Variants in ABCD3 observed in about 807,000 individuals in gnomAD.
ABCD3 encodes ATP-binding cassette sub-family D member 3.
Under a neutral mutation model 105.5 loss-of-function variants are expected in ABCD3, and 41 were observed. The observed-to-expected ratio is 0.39, with a 90% confidence interval of 0.30 to 0.50. The LOEUF is 0.50. ABCD3 is among the 20% of genes least tolerant of loss of function. The pLI is 0.84. For missense variants in ABCD3, 622 were observed against 806.3 expected (o/e 0.77, Z 2.77); for synonymous variants, 258 against 269.0 (o/e 0.96, Z 0.40).
chr1:94,391,408 T>C, the ABCD3 span, among the ~76,000 whole-genome samples: 1 of 152,200 alleles, frequency 6.6e-6, no homozygotes, highest in South Asian at 2.1e-4. Context: ...CTGCAGATTC[T>C]TCAGGGTCAA....
At chr1:94,489,003 C>T (rs1649404035) in intron 13 of ABCD3, among the ~76,000 whole-genome samples, 2 of 152,006 alleles carry the variant, frequency 1.3e-5, no homozygotes, top group South Asian at 2.1e-4. Context: ...AAGTTATACA[C>T]GTGTGAAACC....
chr1:94,472,380 C>A, intron 4 of ABCD3: 1 of 187,942 alleles, frequency 5.3e-6, no homozygotes, highest in Non-Finnish European at 9.8e-6. Context: ...GTCTTGATTG[C>A]TTAATGTCTG....
chr1:94,440,420 T>C (rs1465940193), intron 1 of ABCD3, among the ~76,000 whole-genome samples: 3 of 152,226 alleles, frequency 2.0e-5, no homozygotes, highest in Non-Finnish European at 4.4e-5. Flanking sequence ...GCAGTTTCTC[T>C]TCGCAGGAGG....
At chr1:94,465,723 C>T (rs763592391) in intron 3 of ABCD3, among the ~76,000 whole-genome samples, 3 of 152,148 alleles carry the variant, frequency 2.0e-5, no homozygotes, top group Non-Finnish European at 4.4e-5. Flanking sequence ...AGGAAGTGAG[C>T]TGCTTATACG....
intron 4 of ABCD3, among the ~76,000 whole-genome samples, chr1:94,468,967 C>T (rs770939824): frequency 1.3e-5 from 2 of 152,080 alleles, no homozygotes; most frequent in African/African-American, 4.8e-5. Flanking sequence ...CCCAAGTCTC[C>T]CTGAAACCTG....
the ABCD3 span, among the ~76,000 whole-genome samples, chr1:94,402,818 T>A: frequency 1.3e-5 from 2 of 152,142 alleles, 1 homozygote; most frequent in South Asian, 4.2e-4. Context: ...CTTTTATTAC[T>A]ATACTTTAAG....
chr1:94,397,919 C>T, the ABCD3 span, among the ~76,000 whole-genome samples: 1 of 152,026 alleles, frequency 6.6e-6, no homozygotes, highest in Non-Finnish European at 1.5e-5. Flanking sequence ...AGCATTCATC[C>T]CTGAGTCTTA....
At chr1:94,389,012 G>T in the ABCD3 span, among the ~76,000 whole-genome samples, 1 of 152,072 alleles carries the variant, frequency 6.6e-6, no homozygotes, top group Non-Finnish European at 1.5e-5. Context: ...GGCAAGCTTT[G>T]CCCCATGACT....
chr1:94,503,710 G>A (rs187197786), intron 20 of ABCD3, among the ~76,000 whole-genome samples: 2 of 151,906 alleles, frequency 1.3e-5, no homozygotes, highest in African/African-American at 4.8e-5. Flanking sequence ...GTGGAAAGCT[G>A]TTTTAGTCAT....
In ABCD3 at chr1:94,517,549, A is replaced by G. The variant is rs773021016; in HGVS notation, c.*420A>G. ...GTCCTGTTCTAGCAAGATAGTCTTC[A>G]GTTTCATTTTCCTGTGCCCTGTGGT... On this transcript the variant is annotated 3_prime_UTR_variant, in exon 23 of 23. Coordinates refer to ENST00000370214, the MANE Select transcript of ABCD3 (RefSeq NM_002858.4). 13 of 201,162 alleles carry G rather than the reference A, an allele frequency of 6.5e-5. No homozygotes were observed. Among genetic ancestry groups the G allele is most frequent in the East Asian group, 1.4e-4 (1 of 7,312 alleles). 12.5% of individuals were successfully genotyped at this position (201,162 alleles called of 1,614,324 possible).
chr1:94,450,061 C>A (rs534725607), intron 1 of ABCD3, among the ~76,000 whole-genome samples: 1 of 152,338 alleles, frequency 6.6e-6, no homozygotes, highest in Non-Finnish European at 1.5e-5. Context: ...CCAGGCACAC[C>A]TGACCTTAAT....
At position 94,487,999 on chromosome 1, in the gene ABCD3, A is replaced by G; in HGVS notation, c.1157+16A>G. ...GATTGGCCGGGTAAGATTAGTAATA[A>G]TGAGCTGTTGCAGAAAATAATTTTT... is the stretch of plus-strand genomic sequence containing the variant. On this transcript the variant is annotated intron_variant, in intron 13 of 22. Coordinates refer to ENST00000370214, the MANE Select transcript of ABCD3 (RefSeq NM_002858.4). 1 of 1,580,524 alleles carries G rather than the reference A, an allele frequency of 6.3e-7. No homozygotes were observed. Among genetic ancestry groups the G allele is most frequent in the Non-Finnish European group, 8.7e-7 (1 of 1,150,066 alleles).
chr1:94,441,492 C>T (rs1660133767), intron 1 of ABCD3, among the ~76,000 whole-genome samples: 1 of 152,136 alleles, frequency 6.6e-6, no homozygotes, highest in Non-Finnish European at 1.5e-5. Flanking sequence ...ACTCAGTAGT[C>T]CCACTGAGGA....
chr1:94,476,294 T>C (rs1557679018), intron 7 of ABCD3, among the ~76,000 whole-genome samples: 1 of 152,196 alleles, frequency 6.6e-6, no homozygotes, highest in Non-Finnish European at 1.5e-5. Flanking sequence ...TTCTTCTCAC[T>C]GATTTCTCCA....
chr1:94,422,278 G>A (rs377114955), intron 1 of ABCD3, among the ~76,000 whole-genome samples: 4 of 152,162 alleles, frequency 2.6e-5, no homozygotes, highest in African/African-American at 9.7e-5. Flanking sequence ...CTTGAGCTCC[G>A]CCTCCTGTCA....
intron 1 of ABCD3, among the ~76,000 whole-genome samples, chr1:94,438,327 C>G (rs963228613): frequency 1.3e-5 from 2 of 150,674 alleles, no homozygotes; most frequent in Non-Finnish European, 3.0e-5. Flanking sequence ...CACACACACA[C>G]ACACACACAC....
chr1:94,478,376 G>A, intron 8 of ABCD3, 61 bp downstream of exon 8: 1 of 1,338,616 alleles, frequency 7.5e-7, no homozygotes, highest in Non-Finnish European at 1.1e-6. Flanking sequence ...AATACATATT[G>A]TGAATAGCTT....
chr1:94,420,303 A>T (rs1189996967), intron 1 of ABCD3, among the ~76,000 whole-genome samples: 1 of 152,206 alleles, frequency 6.6e-6, no homozygotes, highest in Non-Finnish European at 1.5e-5. Context: ...ACCAGTTTGT[A>T]AGACCATAGA....
chr1:94,512,621 A>G (rs905801619), intron 21 of ABCD3, among the ~76,000 whole-genome samples: 2 of 151,938 alleles, frequency 1.3e-5, no homozygotes, highest in Non-Finnish European at 2.9e-5. Context: ...GCAATTTTTA[A>G]TTTATCCGTT....
Sources: allele counts gnomAD v4.1 joint callset (sites outside exome capture counted in the v4.1 genomes callset), GRCh38; gene constraint gnomAD v4.1.1; transcripts MANE v1.5; gene names NCBI Gene and HGNC (gene_info 2026-07-23, HGNC 2026-07-21).